SOX6: variants seen among roughly 807,000 people sequenced by gnomAD.
SOX6 encodes the protein SRY-box transcription factor 6, also known as transcription factor SOX-6.
SOX6 carries 11 observed loss-of-function variants against 97.8 expected under a neutral mutation model. The observed-to-expected ratio is 0.11, with a 90% confidence interval of 0.07 to 0.19. The LOEUF (loss-of-function observed/expected upper bound fraction) is 0.19. Ranked by LOEUF, SOX6 falls within the 10% of genes least tolerant of loss-of-function variation. SOX6 has a pLI of 1.00. For missense variants in SOX6, 810 were observed against 1,039.5 expected (o/e 0.78, Z 3.04); for synonymous variants, 360 against 371.4 (o/e 0.97, Z 0.35).
At chr11:16,545,329 A>C (rs1159249434) in intron 4 of SOX6, among the ~76,000 whole-genome samples, 3 of 150,864 alleles carry the variant, frequency 2.0e-5, no homozygotes, top group African/African-American at 7.3e-5. Context: ...ACTTTAACAA[A>C]GTAAAGTCCA....
chr11:16,375,997 G>A (rs536252235), intron 1 of SOX6, among the ~76,000 whole-genome samples: 1 of 152,154 alleles, frequency 6.6e-6, no homozygotes, highest in Admixed American at 6.6e-5. Context: ...ATGGACACAG[G>A]GAGGGAAACA....
At chr11:16,107,652 T>C (rs1849129440) in intron 7 of SOX6, among the ~76,000 whole-genome samples, 1 of 151,612 alleles carries the variant, frequency 6.6e-6, no homozygotes, top group African/African-American at 2.4e-5. Flanking sequence ...ATAGAGAGAG[T>C]TATTATTTAA....
chr11:16,380,339 C>T (rs563716547), intron 1 of SOX6, among the ~76,000 whole-genome samples: 122 of 151,984 alleles, frequency 8.0e-4, no homozygotes, highest in Non-Finnish European at 1.6e-3. Flanking sequence ...AACAGAAAAA[C>T]GTCAAGGATA....
chr11:16,567,604 T>G (rs1407038861), intron 4 of SOX6, among the ~76,000 whole-genome samples: 4 of 143,892 alleles, frequency 2.8e-5, no homozygotes, highest in Admixed American at 1.4e-4. Flanking sequence ...AGTCTCGCTC[T>G]GTCGCCCAGG....
At chr11:16,354,862 C>T (rs1042881852) in intron 1 of SOX6, among the ~76,000 whole-genome samples, 1 of 152,014 alleles carries the variant, frequency 6.6e-6, no homozygotes, top group Admixed American at 6.6e-5. Flanking sequence ...CCTGGCCCAA[C>T]ACTAAATGTT....
chr11:16,076,515 A>C (rs191427431), intron 9 of SOX6, among the ~76,000 whole-genome samples: 1 of 152,030 alleles, frequency 6.6e-6, no homozygotes, highest in Non-Finnish European at 1.5e-5. Context: ...AGTGCTTAAC[A>C]TCTGTATTAG....
At position 16,737,437 on chromosome 11, in the gene SOX6, C is replaced by G. The variant is rs1005623896; in HGVS notation, n.220-965G>C. 2.0e-5 allele frequency among the ~76,000 whole-genome samples: 3 copies of G among 152,028 alleles called. No individual in the cohort carries two copies. The South Asian group carries it at 6.2e-4, about 32-fold the overall frequency. ...GATCAGGCTGGTCTCGAACTCCTGACCTCGTGATCCACCCGCCTCAGCCTC... is the reference window on the plus strand; with the variant it reads ...GATCAGGCTGGTCTCGAACTCCTGAGCTCGTGATCCACCCGCCTCAGCCTC... On this transcript the variant is annotated intron_variant and non_coding_transcript_variant, in intron 1 of 5. Transcript: ENST00000524520.
intron 4 of SOX6, among the ~76,000 whole-genome samples, chr11:16,232,602 G>C (rs374970226): frequency 1.3e-5 from 2 of 151,936 alleles, no homozygotes; most frequent in Non-Finnish European, 2.9e-5. Context: ...GACGGAAAGG[G>C]GGGGAGAAAA....
chr11:16,265,436 T>C (rs1182315114), intron 3 of SOX6, among the ~76,000 whole-genome samples: 1 of 151,604 alleles, frequency 6.6e-6, no homozygotes, highest in Non-Finnish European at 1.5e-5. Context: ...TTAAAAACAA[T>C]ACCCTAAAGG....
At chr11:16,687,956 T>C (rs1327674064) in intron 3 of SOX6, among the ~76,000 whole-genome samples, 1 of 152,164 alleles carries the variant, frequency 6.6e-6, no homozygotes, top group African/African-American at 2.4e-5. Context: ...TTTTTTAAGT[T>C]CTTCCCTTTA....
Position 15,989,111 on chromosome 11 carries a change from C to G in SOX6, c.1852G>C (p.Glu618Gln), listed in dbSNP as rs748327803. Residue 618 changes from glutamate (E) to glutamine (Q), a missense_variant, in exon 14 of 16, where the codon GAG becomes CAG. Glu to Gln is a conservative substitution (Grantham distance 29). Coordinates refer to ENST00000683767, the MANE Select transcript of SOX6 (RefSeq NM_001367873.1). The part of the protein sequence containing the change: ...YRDARGRASS[E>Q]PHIKRPMNAF... ...TTCATTGGTCGCTTAATGTGTGGCT[C>G]GCTGCTGGCACGGCCGCGGGCGTCC... is the stretch of plus-strand genomic sequence containing the variant. The G allele has an allele frequency of 1.9e-6, 3 of 1,614,170 alleles. No individual in the cohort carries two copies. The highest frequency in any genetic ancestry group is 2.5e-6 in the Non-Finnish European group (3 of 1,180,016).
intron 3 of SOX6, among the ~76,000 whole-genome samples, chr11:16,239,097 G>T (rs893887755): frequency 6.6e-5 from 10 of 152,036 alleles, no homozygotes; most frequent in Admixed American, 6.6e-4. Context: ...GCACATGCCA[G>T]TTACTGTACA....
rs371886887 is a variant in SOX6 at position 16,583,636 on chromosome 11, T to C, written n.609+28445A>G. 5.7e-4 allele frequency among the ~76,000 whole-genome samples: 50 copies of C among 87,006 alleles called. 3 individuals are homozygous for C. In the South Asian group the frequency reaches 0.019, roughly 33 times the overall value. 57.1% of individuals were successfully genotyped at this position (87,006 alleles called of 152,430 possible). A position where few individuals can be genotyped will look rare whatever the true frequency, so the allele number is the denominator to read the frequency against. ...ATACATATATATATATATATATATA[T>C]ACACATACACACACCACATTTTCTT... is the stretch of plus-strand genomic sequence containing the variant. On this transcript the variant is annotated intron_variant and non_coding_transcript_variant, in intron 4 of 5. Coordinates refer to the SOX6 transcript ENST00000524520.
chr11:16,158,156 T>C (rs1397609224), intron 6 of SOX6, among the ~76,000 whole-genome samples: 1 of 152,006 alleles, frequency 6.6e-6, no homozygotes, highest in African/African-American at 2.4e-5. Context: ...GTTGAGTTAA[T>C]CTCTATGCTG....
intron 3 of SOX6, among the ~76,000 whole-genome samples, chr11:16,680,632 C>G (rs1046696280): frequency 1.3e-5 from 2 of 152,148 alleles, no homozygotes; most frequent in African/African-American, 4.8e-5. Flanking sequence ...TGTAAATGAG[C>G]TAAATGCCCC....
intron 6 of SOX6, among the ~76,000 whole-genome samples, chr11:16,136,584 G>A (rs1355326187): frequency 1.3e-5 from 2 of 151,710 alleles, no homozygotes; most frequent in Non-Finnish European, 2.9e-5. Context: ...TAGAGATATG[G>A]TCACACCCAA....
At chr11:16,108,633 G>A (rs1214571018) in intron 7 of SOX6, among the ~76,000 whole-genome samples, 1 of 152,164 alleles carries the variant, frequency 6.6e-6, no homozygotes, top group African/African-American at 2.4e-5. Flanking sequence ...TATAGAACCT[G>A]TAAAACATTT....
intron 6 of SOX6, among the ~76,000 whole-genome samples, chr11:16,151,262 C>T (rs1024508708): frequency 2.6e-5 from 4 of 152,030 alleles, no homozygotes; most frequent in African/African-American, 9.7e-5. Context: ...GGGTGTAAAT[C>T]AGGATGAAAA....
At chr11:16,244,702 G>A (rs998323687) in intron 3 of SOX6, among the ~76,000 whole-genome samples, 3 of 151,516 alleles carry the variant, frequency 2.0e-5, no homozygotes, top group African/African-American at 7.3e-5. Context: ...TTTTCCCAAT[G>A]AGTTATCTTG....
Sources: allele counts gnomAD v4.1 joint callset (sites outside exome capture counted in the v4.1 genomes callset), GRCh38; gene constraint gnomAD v4.1.1; transcripts MANE v1.5; gene names NCBI Gene and HGNC (gene_info 2026-07-23, HGNC 2026-07-21).